Variants in LSAMP observed in about 807,000 individuals in gnomAD.
The protein encoded by LSAMP is limbic system associated membrane protein, also known as limbic system-associated membrane protein.
A neutral mutation model predicts 38.6 loss-of-function variants in LSAMP; 7 were observed. That is an observed-to-expected ratio of 0.18 (90% CI 0.10 to 0.34). The LOEUF (loss-of-function observed/expected upper bound fraction) is 0.34, where lower values mean the gene tolerates loss of function less well. Among genes scored for constraint, LSAMP ranks in the 10% least tolerant of loss-of-function variants. The pLI, the probability that LSAMP is intolerant of heterozygous loss-of-function variation, is 1.00. For synonymous variants in LSAMP, 154 were observed against 166.8 expected (o/e 0.92, Z 0.59); for missense variants, 313 against 420.0 (o/e 0.75, Z 2.23).
At chr3:116,265,107 C>T (rs2046875360) in intron 1 of LSAMP, among the ~76,000 whole-genome samples, 1 of 151,898 alleles carries the variant, frequency 6.6e-6, no homozygotes, top group Non-Finnish European at 1.5e-5. Context: ...TTCCAATTAC[C>T]CAGCGATTTT....
intron 3 of LSAMP, among the ~76,000 whole-genome samples, chr3:115,960,754 A>T (rs1295844828): frequency 6.6e-6 from 1 of 152,222 alleles, no homozygotes; most frequent in African/African-American, 2.4e-5. Context: ...TCAGATAATA[A>T]AATGCCTGCC....
intron 1 of LSAMP, among the ~76,000 whole-genome samples, chr3:116,182,583 G>T (rs547951178): frequency 6.6e-6 from 1 of 151,616 alleles, no homozygotes; most frequent in Admixed American, 6.6e-5. Context: ...TGAAGAAGGG[G>T]TAGATGAAAG....
At chr3:115,845,559 G>C (rs372760180) in intron 4 of LSAMP, among the ~76,000 whole-genome samples, 1 of 132,408 alleles carries the variant, frequency 7.6e-6, no homozygotes, top group East Asian at 2.0e-4. Context: ...GCTTCTGGCC[G>C]GTAGCAGAGG....
In LSAMP at chr3:115,804,321, A is replaced by G. The variant is rs909577415; in HGVS notation, c.*5996T>C. 6.6e-6 allele frequency: 1 copy of G among 152,218 alleles called. No individual in the cohort carries two copies. The highest frequency in any genetic ancestry group is 2.4e-5 in the African/African-American group (1 of 41,470). The allele number at this position is 152,218 out of a possible 1,614,324, so 9.4% of individuals were successfully genotyped here. ...AGAATAAAGGTTAGAGTTGAAAGAG[A>G]TTTTAGAGACGTCAGCCGAATCCCT... On this transcript the variant is annotated 3_prime_UTR_variant, in exon 7 of 7. Coordinates refer to ENST00000490035, the MANE Select transcript of LSAMP (RefSeq NM_002338.5).
intron 3 of LSAMP, among the ~76,000 whole-genome samples, chr3:115,910,855 T>C (rs563618913): frequency 1.3e-5 from 2 of 152,334 alleles, no homozygotes; most frequent in African/African-American, 4.8e-5. Context: ...TCACCCAGGT[T>C]GCTGCATCTG....
At chr3:116,388,527 T>C (rs1446314640) in intron 1 of LSAMP, among the ~76,000 whole-genome samples, 1 of 152,128 alleles carries the variant, frequency 6.6e-6, no homozygotes, top group Non-Finnish European at 1.5e-5. Flanking sequence ...CGAAAATATT[T>C]TACTAAATGC....
At chr3:115,822,493 T>C (rs1934277115) in intron 6 of LSAMP, among the ~76,000 whole-genome samples, 1 of 152,004 alleles carries the variant, frequency 6.6e-6, no homozygotes, top group South Asian at 2.1e-4. Context: ...CCCGAGTAGC[T>C]GGGATTACAG....
intron 1 of LSAMP, among the ~76,000 whole-genome samples, chr3:116,118,149 A>G (rs563498333): frequency 1.3e-5 from 2 of 152,168 alleles, no homozygotes; most frequent in Non-Finnish European, 2.9e-5. Context: ...CCCCCAGTAC[A>G]GAGACCTTGT....
At chr3:116,431,855 T>C (rs1445500937) in intron 1 of LSAMP, among the ~76,000 whole-genome samples, 1 of 152,042 alleles carries the variant, frequency 6.6e-6, no homozygotes, top group African/African-American at 2.4e-5. Context: ...GGACTTGGAA[T>C]CACAAATTCA....
intron 1 of LSAMP, among the ~76,000 whole-genome samples, chr3:116,175,821 G>C (rs1276520280): frequency 6.6e-6 from 1 of 152,074 alleles, no homozygotes. Flanking sequence ...CAGAGCCAAA[G>C]TTTCTGGTAC....
At chr3:115,999,359 C>A (rs1168263362) in intron 3 of LSAMP, among the ~76,000 whole-genome samples, 1 of 150,004 alleles carries the variant, frequency 6.7e-6, no homozygotes, top group African/African-American at 2.5e-5. Flanking sequence ...GCTTTGTTAT[C>A]CCCCAAGGAC....
In LSAMP at chr3:116,207,731, T is replaced by C. The variant is rs1409534192; in HGVS notation, c.156-121175A>G. Among the ~76,000 whole-genome samples, 148 of 151,800 alleles carry C rather than the reference T, an allele frequency of 9.7e-4. 1 individual carries two copies. The highest frequency in any genetic ancestry group is 1.8e-3 in the Admixed American group (28 of 15,240). The stretch of plus-strand genomic sequence containing the variant: ...TTTCTTTAAGAATGTTGAATATTGG[T>C]CCCCACTCTCTTCTGGCTTGTAGGG... On this transcript the variant is annotated intron_variant, in intron 1 of 6. Transcript: ENST00000490035.
chr3:116,340,995 T>C (rs1004714199), intron 1 of LSAMP, among the ~76,000 whole-genome samples: 1 of 152,040 alleles, frequency 6.6e-6, no homozygotes, highest in African/African-American at 2.4e-5. Flanking sequence ...GTTGATACAA[T>C]TACTTATGTG....
Position 116,228,914 on chromosome 3 carries a change from C to T in LSAMP, c.156-142358G>A, listed in dbSNP as rs1384779592. 2.0e-5 allele frequency among the ~76,000 whole-genome samples: 3 copies of T among 152,130 alleles called. No individual in the cohort carries two copies. In the East Asian group the frequency reaches 5.8e-4, roughly 29 times the overall value. ...CTCTTTCAAATGATAACTTCAGGAACCACTTGGAAAATATCAGTTCTATCA... is the reference window on the plus strand; with the variant it reads ...CTCTTTCAAATGATAACTTCAGGAATCACTTGGAAAATATCAGTTCTATCA... On this transcript the variant is annotated intron_variant, in intron 1 of 6. Coordinates refer to ENST00000490035, the MANE Select transcript of LSAMP (RefSeq NM_002338.5).
intron 1 of LSAMP, among the ~76,000 whole-genome samples, chr3:116,155,244 G>A (rs1418819056): frequency 2.6e-5 from 4 of 151,822 alleles, no homozygotes; most frequent in Admixed American, 2.6e-4. Flanking sequence ...TTTTTTTTGA[G>A]ACAGAGTTTT....
At chr3:115,938,275 A>G (rs550655606) in intron 3 of LSAMP, among the ~76,000 whole-genome samples, 4 of 152,328 alleles carry the variant, frequency 2.6e-5, no homozygotes, top group African/African-American at 7.2e-5. Context: ...TTGATTCTAA[A>G]TCACAAAATA....
chr3:116,102,977 C>A (rs1708381245), intron 1 of LSAMP, among the ~76,000 whole-genome samples: 1 of 152,092 alleles, frequency 6.6e-6, no homozygotes. Flanking sequence ...TCCTTATTCT[C>A]TTATCCTCAA....
intron 1 of LSAMP, among the ~76,000 whole-genome samples, chr3:116,129,444 C>T (rs1384408545): frequency 6.6e-6 from 1 of 152,120 alleles, no homozygotes; most frequent in Non-Finnish European, 1.5e-5. Context: ...TCCCCCTCTC[C>T]CAAGGTAAGT....
chr3:115,854,408 G>A (rs1935442523), intron 3 of LSAMP, among the ~76,000 whole-genome samples: 1 of 149,450 alleles, frequency 6.7e-6, no homozygotes, highest in Admixed American at 6.7e-5. Context: ...TCAGCCTCCC[G>A]AGTAGCTGGG....
Sources: gnomAD v4.1 joint callset for allele counts (sites outside exome capture counted in the v4.1 genomes callset) on GRCh38, gnomAD v4.1.1 for gene constraint, MANE v1.5 for transcripts, NCBI Gene and HGNC (gene_info 2026-07-23, HGNC 2026-07-21) for gene names.